Variants in LRRC8D observed in about 807,000 individuals in gnomAD.
The protein encoded by LRRC8D is leucine rich repeat containing 8 VRAC subunit D.
Under a neutral mutation model 55.8 loss-of-function variants are expected in LRRC8D, and 20 were observed. The observed-to-expected ratio is 0.36, with a 90% CI of 0.25 to 0.52. The LOEUF (loss-of-function observed/expected upper bound fraction) is 0.52, where lower values mean the gene tolerates loss of function less well. LRRC8D is among the 20% of genes least tolerant of loss of function. LRRC8D has a pLI of 0.93. For missense variants in LRRC8D, 651 were observed against 1,030.8 expected (o/e 0.63, Z 5.05); for synonymous variants, 352 against 377.0 (o/e 0.93, Z 0.77).
At position 89,866,586 on chromosome 1, in the gene LRRC8D, G is replaced by A. The variant is rs115293733; in HGVS notation, c.-3+22804G>A. Among the ~76,000 whole-genome samples, 149 of 152,220 alleles carry A rather than the reference G, an allele frequency of 9.8e-4. 1 individual carries two copies. Among genetic ancestry groups the A allele is most frequent in the African/African-American group, 2.6e-3 (110 of 41,524 alleles). On this transcript the variant is annotated intron_variant, in intron 2 of 2. Coordinates refer to ENST00000337338, the MANE Select transcript of LRRC8D (RefSeq NM_001134479.2). The stretch of plus-strand genomic sequence containing the variant: ...ATTGTGTTTCTGGAAGTGTTCTGGC[G>A]TTTCTAGGCCATTCCTTTAGTTCTC...
chr1:89,865,492 G>A (rs923205538), intron 2 of LRRC8D, among the ~76,000 whole-genome samples: 3 of 151,792 alleles, frequency 2.0e-5, no homozygotes, highest in African/African-American at 7.3e-5. Context: ...CACTTATGTT[G>A]ATTTTTTAAA....
chr1:89,865,303 T>C lies in LRRC8D; in HGVS notation c.-3+21521T>C, dbSNP rs1406904214. 3.4e-5 allele frequency among the ~76,000 whole-genome samples: 5 copies of C among 146,256 alleles called. No homozygotes were observed. In the East Asian group the frequency reaches 1.0e-3, roughly 31 times the overall value. ...CATTCTTGTTGATTACTTTGCTTAA[T>C]TGTACTAAATATGTATAAACATGAA... On this transcript the variant is annotated intron_variant, in intron 2 of 2. Coordinates refer to ENST00000337338, the MANE Select transcript of LRRC8D (RefSeq NM_001134479.2).
chr1:89,876,451 A>G (rs1662150213), intron 2 of LRRC8D, among the ~76,000 whole-genome samples: 1 of 152,178 alleles, frequency 6.6e-6, no homozygotes. Flanking sequence ...GAGGATGTGC[A>G]CTTCCCGTGT....
intron 2 of LRRC8D, among the ~76,000 whole-genome samples, chr1:89,850,501 T>C (rs1385953731): frequency 6.6e-6 from 1 of 152,208 alleles, no homozygotes; most frequent in Admixed American, 6.5e-5. Context: ...TAGCTCCCAC[T>C]TATAAGTGAG....
intron 1 of LRRC8D, among the ~76,000 whole-genome samples, chr1:89,832,297 A>G (rs1211559112): frequency 6.6e-6 from 1 of 152,224 alleles, no homozygotes; most frequent in African/African-American, 2.4e-5. Flanking sequence ...AGGATTTTTA[A>G]AAGCATTTTG....
chr1:89,848,920 G>C (rs533578538), intron 2 of LRRC8D, among the ~76,000 whole-genome samples: 1 of 151,984 alleles, frequency 6.6e-6, no homozygotes, highest in Non-Finnish European at 1.5e-5. Context: ...GGATGATCTC[G>C]ATCTCCTGAC....
At chr1:89,921,520 T>G (rs1030034519) in intron 2 of LRRC8D, among the ~76,000 whole-genome samples, 6 of 152,102 alleles carry the variant, frequency 3.9e-5, no homozygotes, top group South Asian at 2.1e-4. Flanking sequence ...TAAAGGTTTT[T>G]TTTGTTTGTT....
At position 89,843,723 on chromosome 1, in the gene LRRC8D, C is replaced by A; in HGVS notation, c.-62C>A. ...GTCGCCGTGGTTCCAGCCTCCGGAG[C>A]TCGCCCAAGCCGCGTCCCCAGAGAG... On this transcript the variant is annotated 5_prime_UTR_variant, in exon 2 of 3. Coordinates refer to ENST00000337338, the MANE Select transcript of LRRC8D (RefSeq NM_001134479.2). 1.4e-6 allele frequency: 1 copy of A among 701,812 alleles called. No homozygotes were observed. The highest frequency in any genetic ancestry group is 2.7e-5 in the East Asian group (1 of 37,258). The allele number at this position is 701,812 out of a possible 1,614,324, so 43.5% of individuals were successfully genotyped here.
At chr1:89,927,880 G>A (rs1663608227) in intron 2 of LRRC8D, among the ~76,000 whole-genome samples, 1 of 152,184 alleles carries the variant, frequency 6.6e-6, no homozygotes, top group Non-Finnish European at 1.5e-5. Context: ...CCCTAGTACA[G>A]TGCTTGCCAC....
At chr1:89,858,056 C>T (rs1246705981) in intron 2 of LRRC8D, among the ~76,000 whole-genome samples, 1 of 152,112 alleles carries the variant, frequency 6.6e-6, no homozygotes, top group Non-Finnish European at 1.5e-5. Context: ...TGGTGAAACC[C>T]CGTCTCTACT....
At chr1:89,893,209 G>T (rs1662623037) in intron 2 of LRRC8D, among the ~76,000 whole-genome samples, 1 of 152,226 alleles carries the variant, frequency 6.6e-6, no homozygotes, top group Non-Finnish European at 1.5e-5. Context: ...TAGGGCAGGA[G>T]TGTTGAGAAG....
At chr1:89,846,329 T>TA (rs1661280193) in intron 2 of LRRC8D, among the ~76,000 whole-genome samples, 1 of 147,042 alleles carries the variant, frequency 6.8e-6, no homozygotes, top group Non-Finnish European at 1.5e-5. Flanking sequence ...TTTTTTTTTT[T>TA]ACTCCTTTCA....
intron 1 of LRRC8D, among the ~76,000 whole-genome samples, chr1:89,841,189 CTT>C (rs1661122102): frequency 6.6e-6 from 1 of 152,216 alleles, no homozygotes; most frequent in South Asian, 2.1e-4. Flanking sequence ...CTTGAGAAGT[CTT>C]TTAGTAAGAA....
At chr1:89,909,872 A>G (rs1256085859) in intron 2 of LRRC8D, among the ~76,000 whole-genome samples, 1 of 151,972 alleles carries the variant, frequency 6.6e-6, no homozygotes, top group East Asian at 1.9e-4. Flanking sequence ...TCTCAAAAAA[A>G]AAAAAAAAAA....
chr1:89,843,819 G>T, intron 2 of LRRC8D, 37 bp downstream of exon 2: 1 of 630,336 alleles, frequency 1.6e-6, no homozygotes, highest in Non-Finnish European at 2.9e-6. Flanking sequence ...GGAGCGGGTC[G>T]GGAAGTCTGC....
At position 89,933,031 on chromosome 1, in the gene LRRC8D, C is replaced by G; in HGVS notation, c.-2-36C>G. On this transcript the variant is annotated intron_variant, in intron 2 of 2. Coordinates refer to ENST00000337338, the MANE Select transcript of LRRC8D (RefSeq NM_001134479.2). This position sits in a 1 kb window ranked among gnomAD's most constrained non-coding sequence, Gnocchi z 7.0. ...TCTCATTTACTCTTTTCATTTGCAT[C>G]TCTAGAATAATGTCTTTTGTCTTCT... 6.4e-7 allele frequency: 1 copy of G among 1,570,702 alleles called. No individual in the cohort carries two copies. Among genetic ancestry groups the G allele is most frequent in the African/African-American group, 1.4e-5 (1 of 73,806 alleles).
intron 2 of LRRC8D, among the ~76,000 whole-genome samples, chr1:89,925,682 A>G (rs1663541497): frequency 6.6e-6 from 1 of 152,262 alleles, no homozygotes; most frequent in African/African-American, 2.4e-5. Flanking sequence ...CACACTCAGT[A>G]TATATGAAAA....
At chr1:89,871,727 A>G (rs966738236) in intron 2 of LRRC8D, among the ~76,000 whole-genome samples, 1 of 152,264 alleles carries the variant, frequency 6.6e-6, no homozygotes, top group African/African-American at 2.4e-5. Flanking sequence ...GTGATTTACA[A>G]TTTGAAAATA....
intron 1 of LRRC8D, among the ~76,000 whole-genome samples, chr1:89,823,376 C>T (rs1660686499): frequency 6.6e-6 from 1 of 152,128 alleles, no homozygotes; most frequent in Non-Finnish European, 1.5e-5. Context: ...AACTAGGCCC[C>T]TTTTCCCTTA....
Sources: gnomAD v4.1 joint callset for allele counts (sites outside exome capture counted in the v4.1 genomes callset) on GRCh38, gnomAD v4.1.1 for gene constraint, Gnocchi (gnomAD v3.1) non-coding constraint, MANE v1.5 for transcripts, NCBI Gene and HGNC (gene_info 2026-07-23, HGNC 2026-07-21) for gene names.